The following GRM8 variants were observed in gnomAD, a reference collection of about 807,000 sequenced individuals.
The protein encoded by GRM8 is metabotropic glutamate receptor 8.
In GRM8, 47 loss-of-function variants were observed where a neutral mutation model predicts 87.2. The ratio of observed to expected loss-of-function variants is 0.54; its 90% CI spans 0.43 to 0.69. The LOEUF is 0.69. Ranked by LOEUF, GRM8 falls within the 30% of genes least tolerant of loss-of-function variation. The pLI is 0.00. For missense variants in GRM8, 1,019 were observed against 1,139.2 expected (o/e 0.89, Z 1.52); for synonymous variants, 396 against 404.5 (o/e 0.98, Z 0.25).
chr7:127,050,267 G>T (rs541579078), intron 3 of GRM8, among the ~76,000 whole-genome samples: 14 of 152,238 alleles, frequency 9.2e-5, no homozygotes, highest in Admixed American at 6.5e-4. Flanking sequence ...CTGACTGTGC[G>T]TGGGGGATGT....
At position 127,066,936 on chromosome 7, in the gene GRM8, T is replaced by C. The variant is rs1251935969; in HGVS notation, c.727+39560A>G. 3.3e-5 allele frequency among the ~76,000 whole-genome samples: 5 copies of C among 152,196 alleles called. 1 individual carries two copies. The highest frequency in any genetic ancestry group is 6.5e-5 in the Admixed American group (1 of 15,280). On this transcript the variant is annotated intron_variant, in intron 3 of 10. Transcript: ENST00000339582. Reference sequence around the variant, plus strand: ...TTATTTCACTTAACGTAATGAGGTATTATAAGTGAGGACAGCAGGGCTCAG... The same window carrying C: ...TTATTTCACTTAACGTAATGAGGTACTATAAGTGAGGACAGCAGGGCTCAG...
intron 10 of GRM8, 111 bp downstream of exon 10, chr7:126,446,015 G>T: frequency 1.6e-6 from 2 of 1,251,784 alleles, no homozygotes; most frequent in Non-Finnish European, 2.3e-6. Context: ...GTACCATCAT[G>T]CCCCTGGAAA....
intron 3 of GRM8, among the ~76,000 whole-genome samples, chr7:127,055,588 A>C (rs1330688351): frequency 1.3e-5 from 2 of 152,158 alleles, no homozygotes; most frequent in Non-Finnish European, 2.9e-5. Flanking sequence ...TGATTGCAAA[A>C]GACTTATTCA....
At chr7:126,901,610 T>A (rs987389662) in intron 6 of GRM8, among the ~76,000 whole-genome samples, 14 of 152,116 alleles carry the variant, frequency 9.2e-5, no homozygotes, top group African/African-American at 2.9e-4. Flanking sequence ...TTACATCTTT[T>A]ATTTGAACAG....
intron 7 of GRM8, among the ~76,000 whole-genome samples, chr7:126,673,810 T>C (rs1014355642): frequency 6.6e-6 from 1 of 152,108 alleles, no homozygotes; most frequent in African/African-American, 2.4e-5. Context: ...GTGGGAGAGG[T>C]AGACTATATG....
chr7:127,014,813 GT>G (rs1238366707), intron 3 of GRM8, among the ~76,000 whole-genome samples: 1 of 151,580 alleles, frequency 6.6e-6, no homozygotes, highest in Non-Finnish European at 1.5e-5. Flanking sequence ...CACTTAGAGT[GT>G]CAACTTCAAC....
chr7:126,503,146 ATCT>A (rs1239706131), intron 9 of GRM8, among the ~76,000 whole-genome samples: 1 of 151,992 alleles, frequency 6.6e-6, no homozygotes, highest in Non-Finnish European at 1.5e-5. Context: ...GCTAGCCTTC[ATCT>A]TCTCCTGTCA....
chr7:126,517,276 A>G (rs1812320039), intron 9 of GRM8, among the ~76,000 whole-genome samples: 1 of 152,096 alleles, frequency 6.6e-6, no homozygotes, highest in African/African-American at 2.4e-5. Context: ...AGAGAATGCC[A>G]AAGGGATTTA....
At chr7:127,092,944 C>T (rs1824295415) in intron 3 of GRM8, among the ~76,000 whole-genome samples, 1 of 152,212 alleles carries the variant, frequency 6.6e-6, no homozygotes, top group South Asian at 2.1e-4. Flanking sequence ...GGCCTAGCTC[C>T]TTCCTCGGTC....
chr7:127,212,403 T>A, intron 2 of GRM8, among the ~76,000 whole-genome samples: 1 of 145,326 alleles, frequency 6.9e-6, no homozygotes, highest in South Asian at 2.2e-4. Flanking sequence ...CACTAGGACA[T>A]GGTGTTATTT....
intron 6 of GRM8, among the ~76,000 whole-genome samples, chr7:126,847,591 A>G (rs925935915): frequency 2.6e-5 from 4 of 152,264 alleles, no homozygotes; most frequent in African/African-American, 9.6e-5. Context: ...TCTTGTCTCC[A>G]GGTGGTCTCT....
chr7:127,036,719 C>T (rs144782812), intron 3 of GRM8, among the ~76,000 whole-genome samples: 5 of 152,256 alleles, frequency 3.3e-5, no homozygotes, highest in African/African-American at 7.2e-5. Context: ...CTGCTTGTTA[C>T]GCCGCACAGA....
rs546219628 is a variant in GRM8, at chr7:126,492,875, A to T, written c.2430+40077T>A. ...AGCAGAAATCACAAGTCGACACATG[A>T]TATATGCATTTGAATATTGCCTGGA... On this transcript the variant is annotated intron_variant, in intron 9 of 10. Transcript: ENST00000339582. Among the ~76,000 whole-genome samples the T allele has an allele frequency of 2.6e-5, 4 of 152,164 alleles. No homozygotes were observed. In the East Asian group the frequency reaches 7.8e-4, roughly 30 times the overall value.
chr7:127,057,974 C>A, intron 3 of GRM8: 1 of 250,428 alleles, frequency 4.0e-6, no homozygotes, highest in South Asian at 3.7e-5. Context: ...GAAACATTTT[C>A]TAACCTGTAA....
At chr7:126,605,189 A>T (rs1798234767) in intron 8 of GRM8, among the ~76,000 whole-genome samples, 1 of 152,064 alleles carries the variant, frequency 6.6e-6, no homozygotes, top group Admixed American at 6.6e-5. Flanking sequence ...TCTTCTGTTT[A>T]CTCTGAACCT....
chr7:126,666,360 T>C (rs778463927), intron 7 of GRM8, among the ~76,000 whole-genome samples: 6 of 152,092 alleles, frequency 3.9e-5, no homozygotes, highest in Admixed American at 6.6e-5. Context: ...ACTAGGAAAA[T>C]GTGCCAAGCC....
Position 126,872,306 on chromosome 7 carries a change from G to A in GRM8, c.1156+30236C>T, listed in dbSNP as rs143890601. ...CTCTTCATTCTGAAGTGCTAAGAAC[G>A]TTTGAGAAGCTGGAGGACACATGCT... On this transcript the variant is annotated intron_variant, in intron 6 of 10. Transcript: ENST00000339582. 8.5e-5 allele frequency among the ~76,000 whole-genome samples: 13 copies of A among 152,152 alleles called. No homozygotes were observed. In the East Asian group the frequency reaches 2.3e-3, roughly 27 times the overall value.
intron 3 of GRM8, among the ~76,000 whole-genome samples, chr7:127,000,398 A>G (rs973175911): frequency 6.6e-6 from 1 of 151,744 alleles, no homozygotes; most frequent in Non-Finnish European, 1.5e-5. Context: ...CTAAAATAAT[A>G]TAATTGGATT....
chr7:126,694,337 C>T (rs1046729363), intron 7 of GRM8, among the ~76,000 whole-genome samples: 2 of 152,022 alleles, frequency 1.3e-5, no homozygotes, highest in Non-Finnish European at 1.5e-5. Flanking sequence ...CCACTGCTGA[C>T]CAGATATTAT....
Sources: allele counts gnomAD v4.1 joint callset (sites outside exome capture counted in the v4.1 genomes callset), GRCh38; gene constraint gnomAD v4.1.1; transcripts MANE v1.5; gene names NCBI Gene and HGNC (gene_info 2026-07-23, HGNC 2026-07-21).